Variants in NCAPG2 observed in about 807,000 individuals in gnomAD.
NCAPG2 encodes the protein condensin-2 complex subunit G2.
Under a neutral mutation model 141.1 loss-of-function variants are expected in NCAPG2, and 53 were observed. The observed-to-expected ratio is 0.38, with a 90% CI of 0.30 to 0.47. The LOEUF (loss-of-function observed/expected upper bound fraction) is 0.47, where lower values mean the gene tolerates loss of function less well. Among genes scored for constraint, NCAPG2 ranks in the 20% least tolerant of loss-of-function variants. The pLI, the probability that NCAPG2 is intolerant of heterozygous loss-of-function variation, is 0.99. For missense variants in NCAPG2, 1,087 were observed against 1,389.0 expected, an observed-to-expected ratio of 0.78 and a Z score of 3.46; for synonymous variants, 499 against 490.7, an observed-to-expected ratio of 1.02 and a Z score of -0.22.
chr7:158,698,348 A>C (rs1017046451), intron 2 of NCAPG2, among the ~76,000 whole-genome samples: 1 of 152,136 alleles, frequency 6.6e-6, no homozygotes, highest in Non-Finnish European at 1.5e-5. Flanking sequence ...TTTACTCACT[A>C]CTCAGTTATT....
At chr7:158,638,790 G>T (rs1830454031) in intron 27 of NCAPG2, among the ~76,000 whole-genome samples, 1 of 152,000 alleles carries the variant, frequency 6.6e-6, no homozygotes, top group African/African-American at 2.4e-5. Flanking sequence ...AAAAGTTGAG[G>T]TAACACAATT....
In NCAPG2 at chr7:158,648,527, C is replaced by G. The variant is rs1198566800; in HGVS notation, c.3076-1964G>C. Among the ~76,000 whole-genome samples the G allele has an allele frequency of 1.0e-3, 145 of 141,756 alleles. 10 individuals carry two copies. The highest frequency in any genetic ancestry group is 3.0e-3 in the East Asian group (13 of 4,266). The allele number at this position is 141,756 out of a possible 152,430, so 93.0% of individuals were successfully genotyped here. A position where few individuals can be genotyped will look rare whatever the true frequency, so the allele number is the denominator to read the frequency against. On this transcript the variant is annotated intron_variant, in intron 24 of 27. Coordinates refer to ENST00000356309, the MANE Select transcript of NCAPG2 (RefSeq NM_017760.7). ...AAAAAAAGAATGGACTATAACCACG[C>G]CAAATGGACGACAACCACGGCAAAT... is the stretch of plus-strand genomic sequence containing the variant.
intron 27 of NCAPG2, among the ~76,000 whole-genome samples, chr7:158,636,902 TA>T (rs1423816571): frequency 1.3e-5 from 2 of 152,128 alleles, no homozygotes; most frequent in African/African-American, 4.8e-5. Context: ...ACCACTGCCC[TA>T]AAAACAAGCT....
chr7:158,637,605 G>A (rs1014842232), intron 27 of NCAPG2, among the ~76,000 whole-genome samples: 13 of 1,680 alleles, frequency 7.7e-3, no homozygotes, highest in East Asian at 0.042. Context: ...CCTCCCCTGC[G>A]ATGGCTCCAC....
At chr7:158,664,365 A>T (rs780088236) in intron 14 of NCAPG2, 69 bp from the exon 15 acceptor site, 1 of 1,529,536 alleles carries the variant, frequency 6.5e-7, no homozygotes, top group Non-Finnish European at 9.0e-7. Flanking sequence ...TCTGATAGTG[A>T]AATTATAATC....
At chr7:158,675,706 A>T (rs1044017591) in intron 11 of NCAPG2, 50 bp from the exon 12 acceptor site, 51 of 1,563,860 alleles carry the variant, frequency 3.3e-5, no homozygotes, top group Non-Finnish European at 4.3e-5. Context: ...TATTTCCCGA[A>T]ATCCACATCT....
intron 22 of NCAPG2, 98 bp downstream of exon 22, chr7:158,654,497 T>G: frequency 8.4e-7 from 1 of 1,192,526 alleles, no homozygotes; most frequent in Non-Finnish European, 1.2e-6. Context: ...TTATAATCAG[T>G]CACTTAAAAG....
intron 27 of NCAPG2, among the ~76,000 whole-genome samples, chr7:158,642,655 A>G (rs2129456880): frequency 6.6e-6 from 1 of 152,332 alleles, no homozygotes; most frequent in East Asian, 1.9e-4. Context: ...TTGAAAGTAC[A>G]TATTAGAAAA....
chr7:158,683,813 C>T (rs931594587), intron 8 of NCAPG2, among the ~76,000 whole-genome samples: 2 of 152,194 alleles, frequency 1.3e-5, no homozygotes, highest in Non-Finnish European at 2.9e-5. Flanking sequence ...ACTACCTCTA[C>T]GGCGGAAACT....
intron 21 of NCAPG2, 107 bp from the exon 22 acceptor site, chr7:158,654,801 G>A: frequency 6.9e-7 from 1 of 1,440,132 alleles, no homozygotes; most frequent in Non-Finnish European, 9.1e-7. Flanking sequence ...TTATAAAGCA[G>A]ATTTTTATAA....
At chr7:158,704,120 G>C (rs1384547300) in intron 1 of NCAPG2, among the ~76,000 whole-genome samples, 1 of 147,778 alleles carries the variant, frequency 6.8e-6, no homozygotes, top group Admixed American at 6.7e-5. Flanking sequence ...AGGACTGAGG[G>C]GACGCTCTCT....
intron 26 of NCAPG2, among the ~76,000 whole-genome samples, chr7:158,644,862 C>G (rs1344005603): frequency 6.6e-6 from 1 of 152,152 alleles, no homozygotes; most frequent in Admixed American, 6.5e-5. Context: ...CTGCAGATAT[C>G]CTATCCATTT....
chr7:158,656,580 C>A lies in NCAPG2; in HGVS notation c.2186G>T (p.Trp729Leu). ...VGHILELVDN[W>L]LPTEHAQAKS... Reference sequence around the variant, plus strand: ...GGCCTGGGCATGCTCTGTGGGCAGCCAGTTGTCAACAAGCTCCAGAATGTG... The same window carrying A: ...GGCCTGGGCATGCTCTGTGGGCAGCAAGTTGTCAACAAGCTCCAGAATGTG... Residue 729 changes from tryptophan to leucine, a missense_variant, in exon 18 of 28, where the codon TGG becomes TTG. Physicochemically the swap from Trp to Leu is moderately conservative, Grantham distance 61. Transcript: ENST00000356309. The A allele has an allele frequency of 6.2e-7, 1 of 1,614,088 alleles. No homozygotes were observed. The highest frequency in any genetic ancestry group is 8.5e-7 in the Non-Finnish European group (1 of 1,180,024).
chr7:158,631,781 T>C (rs1829906727), intron 27 of NCAPG2, 64 bp from the exon 28 acceptor site: 1 of 1,284,688 alleles, frequency 7.8e-7, no homozygotes. Flanking sequence ...CAAATGTACA[T>C]TTTCAAAAAT....
intron 11 of NCAPG2, among the ~76,000 whole-genome samples, chr7:158,677,976 GA>G (rs1376780979): frequency 6.6e-6 from 1 of 151,674 alleles, no homozygotes; most frequent in Non-Finnish European, 1.5e-5. Context: ...GTGCCCAGCT[GA>G]TTTTTTTTTT....
chr7:158,636,562 C>T (rs1300354114), intron 27 of NCAPG2, among the ~76,000 whole-genome samples: 1 of 152,000 alleles, frequency 6.6e-6, no homozygotes. Context: ...CCACCATACC[C>T]AGCTAATTTT....
intron 2 of NCAPG2, among the ~76,000 whole-genome samples, chr7:158,698,517 G>A (rs1835592585): frequency 6.6e-6 from 1 of 152,192 alleles, no homozygotes; most frequent in Non-Finnish European, 1.5e-5. Flanking sequence ...ATTCAGTACA[G>A]TAACATGCCA....
intron 27 of NCAPG2, among the ~76,000 whole-genome samples, chr7:158,635,275 T>TTAAA (rs1209495077): frequency 1.3e-5 from 2 of 152,106 alleles, no homozygotes; most frequent in African/African-American, 4.8e-5. Flanking sequence ...AAAAAAAGAC[T>TTAAA]GTTAAAATTA....
chr7:158,650,924 G>C lies in NCAPG2; in HGVS notation c.2983C>G (p.Gln995Glu). Residue 995 changes from glutamine (Q) to glutamate (E), a missense_variant, in exon 24 of 28, where the codon CAG (glutamine) becomes GAG (glutamate). Physicochemically the swap from Gln to Glu is conservative, Grantham distance 29. Coordinates refer to ENST00000356309, the MANE Select transcript of NCAPG2 (RefSeq NM_017760.7). Reference protein sequence around the residue: ...RPLHEFITAVQSRHTDTPVHR... With the variant: ...RPLHEFITAVESRHTDTPVHR... Reference sequence around the variant, plus strand: ...ACAGGGGTGTCTGTGTGCCGAGACTGAACAGCAGTAATGAACTCATGAAGA... The same window carrying C: ...ACAGGGGTGTCTGTGTGCCGAGACTCAACAGCAGTAATGAACTCATGAAGA... 1 of 1,613,642 alleles carries C rather than the reference G, an allele frequency of 6.2e-7. No individual in the cohort carries two copies. Among genetic ancestry groups the C allele is most frequent in the Non-Finnish European group, 8.5e-7 (1 of 1,179,864 alleles).
Sources: allele counts gnomAD v4.1 joint callset (sites outside exome capture counted in the v4.1 genomes callset), GRCh38; gene constraint gnomAD v4.1.1; transcripts MANE v1.5; gene names NCBI Gene and HGNC (gene_info 2026-07-23, HGNC 2026-07-21).